The following CLSTN1 variants were observed in gnomAD, a reference collection of about 807,000 sequenced individuals.
CLSTN1 encodes the protein calsyntenin-1.
A neutral mutation model predicts 108.3 loss-of-function variants in CLSTN1; 28 were observed. The observed-to-expected ratio is 0.26, with a 90% confidence interval of 0.19 to 0.35. The LOEUF is 0.35. Among genes scored for constraint, CLSTN1 ranks in the 10% least tolerant of loss-of-function variants. CLSTN1 has a pLI of 1.00. For synonymous variants in CLSTN1, 524 were observed against 534.9 expected, an observed-to-expected ratio of 0.98 and a Z score of 0.28; for missense variants, 1,157 against 1,302.6, an observed-to-expected ratio of 0.89 and a Z score of 1.72.
chr1:9,763,380 C>T (rs1055070887), intron 2 of CLSTN1, among the ~76,000 whole-genome samples: 3 of 152,188 alleles, frequency 2.0e-5, no homozygotes, highest in Middle Eastern at 6.3e-3. Flanking sequence ...TGGTCTGTGA[C>T]GCTTGTTAAA....
At chr1:9,743,570 C>T (rs12059243) in intron 9 of CLSTN1, among the ~76,000 whole-genome samples, 7,049 of 152,178 alleles carry the variant, frequency 0.046, 518 homozygotes, top group African/African-American at 0.16. Context: ...TCTTTGGAGA[C>T]GGGGTCTCAC....
intron 2 of CLSTN1, among the ~76,000 whole-genome samples, chr1:9,758,035 G>T (rs554600385): frequency 1.3e-5 from 2 of 151,558 alleles, no homozygotes; most frequent in African/African-American, 4.8e-5. Flanking sequence ...TTTCACTCTT[G>T]TTGCCCAGGA....
chr1:9,763,704 T>C (rs1652190927), intron 2 of CLSTN1, among the ~76,000 whole-genome samples: 1 of 152,142 alleles, frequency 6.6e-6, no homozygotes, highest in Non-Finnish European at 1.5e-5. Flanking sequence ...ATGGAAACCA[T>C]GTGGACTCAA....
At chr1:9,747,949 C>A (rs367639465) in intron 7 of CLSTN1, among the ~76,000 whole-genome samples, 1 of 150,948 alleles carries the variant, frequency 6.6e-6, no homozygotes, top group Non-Finnish European at 1.5e-5. Flanking sequence ...GAGGCTGAGG[C>A]GGGAGAATGG....
intron 1 of CLSTN1, among the ~76,000 whole-genome samples, chr1:9,822,950 A>G (rs1655245056): frequency 6.6e-6 from 1 of 152,198 alleles, no homozygotes; most frequent in South Asian, 2.1e-4. Context: ...ACACTGGGTG[A>G]GCCCGCGGTC....
At chr1:9,785,754 G>A (rs1036690704) in intron 1 of CLSTN1, among the ~76,000 whole-genome samples, 3 of 151,364 alleles carry the variant, frequency 2.0e-5, no homozygotes, top group Non-Finnish European at 2.9e-5. Flanking sequence ...CACTTTAAAA[G>A]AGCCACTTTA....
intron 5 of CLSTN1, among the ~76,000 whole-genome samples, chr1:9,751,250 C>T (rs1015232641): frequency 6.6e-5 from 10 of 152,000 alleles, no homozygotes; most frequent in Non-Finnish European, 1.2e-4. Context: ...AAGAGGTGAG[C>T]CCCACAAGAG....
At chr1:9,733,759 TC>T (rs1220002108) in intron 15 of CLSTN1, among the ~76,000 whole-genome samples, 3 of 152,012 alleles carry the variant, frequency 2.0e-5, no homozygotes, top group African/African-American at 7.3e-5. Flanking sequence ...GCCTCAACCC[TC>T]CCCCTTTAGA....
chr1:9,821,936 C>G (rs548864356), intron 1 of CLSTN1, among the ~76,000 whole-genome samples: 1 of 152,158 alleles, frequency 6.6e-6, no homozygotes, highest in Non-Finnish European at 1.5e-5. Context: ...AGATTTCTGT[C>G]GGTCTCAGGT....
intron 2 of CLSTN1, among the ~76,000 whole-genome samples, chr1:9,768,389 C>CA (rs1652464176): frequency 2.4e-5 from 1 of 41,860 alleles, no homozygotes; most frequent in Non-Finnish European, 4.4e-5. Flanking sequence ...ACCATGGGGG[C>CA]GGGATTCTGT....
At chr1:9,810,556 C>T (rs1176388298) in intron 1 of CLSTN1, among the ~76,000 whole-genome samples, 2 of 146,052 alleles carry the variant, frequency 1.4e-5, no homozygotes, top group African/African-American at 5.1e-5. Flanking sequence ...AGATAGATCA[C>T]CTGTAGTCAG....
At chr1:9,763,077 T>C (rs1264329820) in intron 2 of CLSTN1, among the ~76,000 whole-genome samples, 3 of 152,106 alleles carry the variant, frequency 2.0e-5, no homozygotes. Context: ...TTCCTGTGCC[T>C]CAGCCTCCCG....
At chr1:9,813,166 T>C (rs1457709543) in intron 1 of CLSTN1, among the ~76,000 whole-genome samples, 1 of 151,174 alleles carries the variant, frequency 6.6e-6, no homozygotes, top group Non-Finnish European at 1.5e-5. Flanking sequence ...CTCTGTCTAA[T>C]AAACAAAAAG....
chr1:9,737,150 CT>C (rs2101082137), intron 11 of CLSTN1, among the ~76,000 whole-genome samples: 1 of 152,256 alleles, frequency 6.6e-6, no homozygotes, highest in South Asian at 2.1e-4. Context: ...AAGTCTTTTC[CT>C]GTCTCGTGGT....
At chr1:9,769,544 C>G (rs374042210) in intron 2 of CLSTN1, among the ~76,000 whole-genome samples, 3 of 152,144 alleles carry the variant, frequency 2.0e-5, no homozygotes, top group Non-Finnish European at 4.4e-5. Context: ...CACAAAAAGC[C>G]GTACAGTGCA....
chr1:9,737,349 G>A, intron 11 of CLSTN1, 149 bp downstream of exon 11: 1 of 739,642 alleles, frequency 1.4e-6, no homozygotes, highest in Non-Finnish European at 2.4e-6. Context: ...GGAACTCCAT[G>A]AAGCAATGGG....
intron 1 of CLSTN1, among the ~76,000 whole-genome samples, chr1:9,805,788 AC>A (rs1473219203): frequency 6.8e-6 from 1 of 146,582 alleles, no homozygotes; most frequent in Non-Finnish European, 1.5e-5. Context: ...AATCGCTTGA[AC>A]CCAGGAGGCG....
In CLSTN1 at chr1:9,734,926, C is replaced by T. The variant is rs369326937; in HGVS notation, c.2110+22G>A. On this transcript the variant is annotated intron_variant, in intron 14 of 18. Transcript: ENST00000377298. The surrounding 1 kb of genome is among the most constrained non-coding windows in gnomAD (Gnocchi z 4.8). ...GGTTTCCGGCCGAGGCGAGGGAGCC[C>T]GCGCCCCACAGAGCACATTACCTGT... is the stretch of plus-strand genomic sequence containing the variant. 11 of 1,600,450 alleles carry T rather than the reference C, an allele frequency of 6.9e-6. No homozygotes were observed. The highest frequency in any genetic ancestry group is 1.7e-4 in the Middle Eastern group (1 of 6,030).
chr1:9,746,929 C>T (rs1651295373), intron 7 of CLSTN1, among the ~76,000 whole-genome samples: 1 of 151,916 alleles, frequency 6.6e-6, no homozygotes, highest in Non-Finnish European at 1.5e-5. Context: ...CATATAATCC[C>T]AGCACTTTGG....
Sources: gnomAD v4.1 joint callset for allele counts (sites outside exome capture counted in the v4.1 genomes callset) on GRCh38, gnomAD v4.1.1 for gene constraint, Gnocchi (gnomAD v3.1) non-coding constraint, MANE v1.5 for transcripts, NCBI Gene and HGNC (gene_info 2026-07-23, HGNC 2026-07-21) for gene names.